Variants in SEPTIN9 observed in about 807,000 individuals in gnomAD.
SEPTIN9 encodes the protein septin-9.
In SEPTIN9, 13 loss-of-function variants were observed where a neutral mutation model predicts 56.6. The observed-to-expected ratio is 0.23, with a 90% confidence interval of 0.15 to 0.37. The LOEUF is 0.37. Among genes scored for constraint, SEPTIN9 ranks in the 10% least tolerant of loss-of-function variants. The pLI is 1.00. For synonymous variants in SEPTIN9, 332 were observed against 334.1 expected (o/e 0.99, Z 0.07); for missense variants, 650 against 823.1 (o/e 0.79, Z 2.57).
intron 3 of SEPTIN9, among the ~76,000 whole-genome samples, chr17:77,416,061 A>G (rs747481): frequency 0.37 from 56,802 of 152,224 alleles, 11,159 homozygotes; most frequent in African/African-American, 0.42. Context: ...ATTTTAAATT[A>G]AGACAGGCCC....
At position 77,451,298 on chromosome 17, in the gene SEPTIN9, CT is replaced by C; in HGVS notation, c.722-30845del. 1.1e-6 allele frequency: 1 copy of C among 920,074 alleles called. No individual in the cohort carries two copies. Among genetic ancestry groups the C allele is most frequent in the South Asian group, 5.0e-5 (1 of 20,006 alleles). 57.0% of individuals were successfully genotyped at this position (920,074 alleles called of 1,614,324 possible). A position where few individuals can be genotyped will look rare whatever the true frequency, so the allele number is the denominator to read the frequency against. ...TGCCGCTGGGCGCCCCTATCTCTGC[CT>C]GCCCCCTCCTCCTGCTCCCCTCGCC... On this transcript the variant is annotated intron_variant, in intron 3 of 11. Transcript: ENST00000427177. The surrounding 1 kb of genome is among the most constrained non-coding windows in gnomAD (Gnocchi z 4.2).
intron 3 of SEPTIN9, among the ~76,000 whole-genome samples, chr17:77,470,061 A>G (rs1044632193): frequency 6.7e-6 from 1 of 150,220 alleles, no homozygotes; most frequent in Non-Finnish European, 1.5e-5. Flanking sequence ...TCATCCACCC[A>G]TCCACTCATT....
intron 4 of SEPTIN9, among the ~76,000 whole-genome samples, chr17:77,486,567 G>A (rs1256897530): frequency 6.6e-6 from 1 of 151,554 alleles, no homozygotes; most frequent in East Asian, 1.9e-4. Context: ...TGTGTGTGTT[G>A]TGAGAGTTGT....
chr17:77,383,949 A>G (rs1243359784), intron 2 of SEPTIN9, among the ~76,000 whole-genome samples: 1 of 152,246 alleles, frequency 6.6e-6, no homozygotes, highest in Non-Finnish European at 1.5e-5. Flanking sequence ...ACTCATACAC[A>G]TTGACTATTG....
intron 1 of SEPTIN9, chr17:77,294,589 CTT>C (rs60053451): frequency 2.5e-5 from 4 of 160,414 alleles, no homozygotes; most frequent in East Asian, 1.4e-4. Context: ...CTGTTTTTTT[CTT>C]TTTTTTTAAA....
chr17:77,370,778 G>C (rs312869), intron 2 of SEPTIN9, among the ~76,000 whole-genome samples: 1,731 of 152,304 alleles, frequency 0.011, 26 homozygotes, highest in African/African-American at 0.03. Flanking sequence ...CCTAGAAAAG[G>C]GGGGTGGAGG....
At chr17:77,314,725 C>T (rs1409300963) in intron 2 of SEPTIN9, among the ~76,000 whole-genome samples, 1 of 152,214 alleles carries the variant, frequency 6.6e-6, no homozygotes, top group Non-Finnish European at 1.5e-5. Context: ...AGACCCTTTC[C>T]CGAAGGCCCC....
chr17:77,460,747 C>T (rs1213092559), intron 3 of SEPTIN9, among the ~76,000 whole-genome samples: 2 of 152,200 alleles, frequency 1.3e-5, no homozygotes, highest in African/African-American at 4.8e-5. Flanking sequence ...AGGGTCCTCA[C>T]TGCTGCCGCT....
rs370649151 is a variant in SEPTIN9 at position 77,387,327 on chromosome 17, G to T, written c.77-14732G>T. Among the ~76,000 whole-genome samples, 49 of 152,332 alleles carry T rather than the reference G, an allele frequency of 3.2e-4. 3 individuals carry two copies. Among genetic ancestry groups the T allele is most frequent in the South Asian group, 2.7e-3 (13 of 4,822 alleles). ...CACATGGCCTTTTCTCTGTGTCTCT[G>T]TGTCTCGTAAGGATGCTTGTCATTG... On this transcript the variant is annotated intron_variant, in intron 2 of 11. Transcript: ENST00000427177.
At chr17:77,311,640 C>T (rs1379859475) in intron 2 of SEPTIN9, among the ~76,000 whole-genome samples, 1 of 152,210 alleles carries the variant, frequency 6.6e-6, no homozygotes, top group African/African-American at 2.4e-5. Context: ...ATTTAACTGC[C>T]ACCATCCCCA....
chr17:77,373,904 A>G lies in SEPTIN9; in HGVS notation c.77-28155A>G, dbSNP rs1473985164. The G allele has an allele frequency of 1.6e-5, 4 of 251,226 alleles. No individual in the cohort carries two copies. The East Asian group carries it at 2.4e-4, about 15-fold the overall frequency. 15.6% of individuals were successfully genotyped at this position (251,226 alleles called of 1,614,324 possible). On this transcript the variant is annotated intron_variant, in intron 2 of 11. Coordinates refer to ENST00000427177, the MANE Select transcript of SEPTIN9 (RefSeq NM_001113491.2). ...TCGCGAGGCTGCCTCGGAACTCTCCAGGACGCACAGTTTCACTCTGGGAAA... is the reference window on the plus strand; with the variant it reads ...TCGCGAGGCTGCCTCGGAACTCTCCGGGACGCACAGTTTCACTCTGGGAAA...
At chr17:77,439,669 G>A (rs549055380) in intron 3 of SEPTIN9, among the ~76,000 whole-genome samples, 2 of 152,334 alleles carry the variant, frequency 1.3e-5, no homozygotes, top group Admixed American at 6.5e-5. Flanking sequence ...CCTGGAGGCT[G>A]GTGGGCAGCC....
At position 77,450,289 on chromosome 17, in the gene SEPTIN9, G is replaced by A. The variant is rs1398261228; in HGVS notation, c.722-31855G>A. ...TTCAGTCACCCCCAGCCACGTGTGG[G>A]GGTGCGGGATGGGAAAGGTAAGAGT... On this transcript the variant is annotated intron_variant, in intron 3 of 11. Coordinates refer to ENST00000427177, the MANE Select transcript of SEPTIN9 (RefSeq NM_001113491.2). The surrounding 1 kb of genome is among the most constrained non-coding windows in gnomAD (Gnocchi z 6.0). 6.6e-6 allele frequency among the ~76,000 whole-genome samples: 1 copy of A among 152,180 alleles called. No individual in the cohort carries two copies. Among genetic ancestry groups the A allele is most frequent in the Non-Finnish European group, 1.5e-5 (1 of 68,006 alleles).
chr17:77,478,576 G>A (rs1463142654), intron 3 of SEPTIN9, among the ~76,000 whole-genome samples: 5 of 152,164 alleles, frequency 3.3e-5, no homozygotes, highest in Non-Finnish European at 7.4e-5. Flanking sequence ...GGAGGCCGAG[G>A]CGGGTGGATC....
At chr17:77,414,070 C>A (rs1473366888) in intron 3 of SEPTIN9, among the ~76,000 whole-genome samples, 2 of 151,088 alleles carry the variant, frequency 1.3e-5, no homozygotes, top group Non-Finnish European at 1.5e-5. Flanking sequence ...TACAATCCAC[C>A]AATTTATTTA....
chr17:77,290,747 G>A (rs1325791517), intron 1 of SEPTIN9, among the ~76,000 whole-genome samples: 1 of 150,452 alleles, frequency 6.6e-6, no homozygotes, highest in Non-Finnish European at 1.5e-5. Context: ...CCCGGAAGGC[G>A]GAGCTTGCAG....
At chr17:77,342,751 T>A (rs1317141045) in intron 2 of SEPTIN9, among the ~76,000 whole-genome samples, 1 of 152,088 alleles carries the variant, frequency 6.6e-6, no homozygotes, top group Non-Finnish European at 1.5e-5. Flanking sequence ...GGCAGGCGGA[T>A]CCCTTGAGCT....
At chr17:77,484,727 ATTGTGATGGTGGTGGTGGTGG>A (rs1390140771) in intron 4 of SEPTIN9, among the ~76,000 whole-genome samples, 3,237 of 21,652 alleles carry the variant, frequency 0.15, 570 homozygotes, top group African/African-American at 0.27. Flanking sequence ...GGTGGTGGTG[ATTGTGATGGTGGTGGTGGTGG>A]TTGTGATGGT....
chr17:77,464,895 C>T (rs1252164322), intron 3 of SEPTIN9, among the ~76,000 whole-genome samples: 2 of 152,108 alleles, frequency 1.3e-5, no homozygotes, highest in Non-Finnish European at 2.9e-5. Context: ...GCCCGGCTGA[C>T]ACAGGAAATT....
Sources: allele counts gnomAD v4.1 joint callset (sites outside exome capture counted in the v4.1 genomes callset), GRCh38; gene constraint gnomAD v4.1.1; non-coding constraint Gnocchi (gnomAD v3.1); transcripts MANE v1.5; gene names NCBI Gene and HGNC (gene_info 2026-07-23, HGNC 2026-07-21).